NT5C3A: variants seen among roughly 807,000 people sequenced by gnomAD.
NT5C3A encodes the protein cytosolic 5'-nucleotidase 3A.
NT5C3A carries 23 observed loss-of-function variants against 40.0 expected under a neutral mutation model. That is an observed-to-expected ratio of 0.58 (90% CI 0.41 to 0.81). The LOEUF (loss-of-function observed/expected upper bound fraction) is 0.81, where lower values mean the gene tolerates loss of function less well. Among genes scored for constraint, NT5C3A ranks in the 40% least tolerant of loss-of-function variants. NT5C3A has a pLI of 0.00. For missense variants in NT5C3A, 328 were observed against 403.0 expected (o/e 0.81, Z 1.59); for synonymous variants, 130 against 141.4 (o/e 0.92, Z 0.57).
At chr7:33,040,052 C>T (rs1386185890) in intron 1 of NT5C3A, among the ~76,000 whole-genome samples, 1 of 152,110 alleles carries the variant, frequency 6.6e-6, no homozygotes, top group Non-Finnish European at 1.5e-5. Context: ...GTAATTTATA[C>T]TGACAACCCT....
intron 3 of NT5C3A, among the ~76,000 whole-genome samples, chr7:33,022,326 T>A (rs1191855853): frequency 3.9e-5 from 6 of 152,238 alleles, no homozygotes; most frequent in Non-Finnish European, 5.9e-5. Flanking sequence ...AATCTGAGAT[T>A]CAGTGACTGC....
Position 33,039,560 on chromosome 7 carries a change from TTG to T in NT5C3A, c.139-12647_139-12646del, listed in dbSNP as rs1205710456. The stretch of plus-strand genomic sequence containing the variant: ...TTTGACTTTCTTAAGCTTGGGTTTT[TTG>T]TTTTTTTTTTTTTTTAATGTTACTG... On this transcript the variant is annotated intron_variant, in intron 1 of 8. Coordinates refer to ENST00000610140, the MANE Select transcript of NT5C3A (RefSeq NM_001002010.5). Among the ~76,000 whole-genome samples, 71 of 139,996 alleles carry T rather than the reference TTG, an allele frequency of 5.1e-4. 3 individuals are homozygous for T. The highest frequency in any genetic ancestry group is 1.7e-3 in the African/African-American group (61 of 36,254). 91.8% of individuals were successfully genotyped at this position (139,996 alleles called of 152,430 possible). A position where few individuals can be genotyped will look rare whatever the true frequency, so the allele number is the denominator to read the frequency against.
intron 1 of NT5C3A, among the ~76,000 whole-genome samples, chr7:33,032,295 C>G (rs1786310073): frequency 6.6e-6 from 1 of 151,466 alleles, no homozygotes; most frequent in Admixed American, 6.6e-5. Context: ...TGGTGGCATA[C>G]ACCTGTAACC....
Position 33,062,747 on chromosome 7 carries a change from C to T in NT5C3A, c.-42G>A, listed in dbSNP as rs557187986. On this transcript the variant is annotated 5_prime_UTR_variant, in exon 1 of 9. Coordinates refer to ENST00000610140, the MANE Select transcript of NT5C3A (RefSeq NM_001002010.5). ...CGCGTCCAAGCAGGAAAAAAACAGG[C>T]AGCTCGCGTAGACTGCGAGTCTCGG... 56 of 1,549,430 alleles carry T rather than the reference C, an allele frequency of 3.6e-5. No homozygotes were observed. In the South Asian group the frequency reaches 5.1e-4, roughly 14 times the overall value.
At chr7:33,039,865 T>A (rs1179184500) in intron 1 of NT5C3A, among the ~76,000 whole-genome samples, 1 of 152,204 alleles carries the variant, frequency 6.6e-6, no homozygotes, top group African/African-American at 2.4e-5. Context: ...TGGGCAATTT[T>A]AACCAATTTT....
intron 2 of NT5C3A, among the ~76,000 whole-genome samples, chr7:33,026,373 A>G (rs1176478504): frequency 2.0e-5 from 3 of 149,958 alleles, no homozygotes; most frequent in Admixed American, 6.6e-5. Context: ...AAAAAAAAAA[A>G]GAAGCCTTTA....
intron 1 of NT5C3A, among the ~76,000 whole-genome samples, chr7:33,031,203 G>T (rs964656534): frequency 1.3e-5 from 2 of 151,938 alleles, no homozygotes; most frequent in Admixed American, 6.6e-5. Flanking sequence ...TCCAGACTAG[G>T]GATAATCCTA....
Position 33,062,744 on chromosome 7 carries a change from A to C in NT5C3A, c.-39T>G, listed in dbSNP as rs1424844520. On this transcript the variant is annotated 5_prime_UTR_variant, in exon 1 of 9. Transcript: ENST00000610140. Reference sequence around the variant, plus strand: ...ATGCGCGTCCAAGCAGGAAAAAAACAGGCAGCTCGCGTAGACTGCGAGTCT... The same window carrying C: ...ATGCGCGTCCAAGCAGGAAAAAAACCGGCAGCTCGCGTAGACTGCGAGTCT... The C allele has an allele frequency of 1.3e-6, 2 of 1,549,684 alleles. No individual in the cohort carries two copies. Among genetic ancestry groups the C allele is most frequent in the Non-Finnish European group, 1.7e-6 (2 of 1,146,870 alleles).
intron 1 of NT5C3A, among the ~76,000 whole-genome samples, chr7:33,044,344 A>T (rs1168250915): frequency 6.6e-6 from 1 of 152,082 alleles, no homozygotes; most frequent in Non-Finnish European, 1.5e-5. Context: ...AAAGCACTGA[A>T]TCAAAGACAC....
chr7:33,039,027 T>C, intron 1 of NT5C3A: 1 of 404,488 alleles, frequency 2.5e-6, no homozygotes, highest in Non-Finnish European at 4.9e-6. Flanking sequence ...GTGTGCTTTT[T>C]GTATGAGATT....
Position 33,060,113 on chromosome 7 carries a change from T to C in NT5C3A, c.138+2455A>G, listed in dbSNP as rs896416970. ...ACACTACAAGTGTGTGCCACTGCAC[T>C]GGCTAAAATCTTTATTTTCTGTAGA... is the stretch of plus-strand genomic sequence containing the variant. On this transcript the variant is annotated intron_variant, in intron 1 of 8. Transcript: ENST00000610140. Among the ~76,000 whole-genome samples, 14 of 152,124 alleles carry C rather than the reference T, an allele frequency of 9.2e-5. 1 individual carries two copies. Among genetic ancestry groups the C allele is most frequent in the African/African-American group, 3.4e-4 (14 of 41,420 alleles).
chr7:33,021,625 T>C (rs1380142306), intron 4 of NT5C3A, among the ~76,000 whole-genome samples: 1 of 152,158 alleles, frequency 6.6e-6, no homozygotes, highest in Non-Finnish European at 1.5e-5. Flanking sequence ...AGTTTTCATA[T>C]AAAGGTATTA....
At chr7:33,018,666 C>T (rs190948743) in intron 6 of NT5C3A, among the ~76,000 whole-genome samples, 7 of 151,978 alleles carry the variant, frequency 4.6e-5, no homozygotes, top group South Asian at 4.2e-4. Context: ...CTGGCTAACT[C>T]GGTGAAACCC....
intron 1 of NT5C3A, chr7:33,036,072 T>C (rs1786586410): frequency 9.7e-7 from 1 of 1,035,724 alleles, no homozygotes; most frequent in South Asian, 1.3e-5. Flanking sequence ...CTTCCTGTTA[T>C]GCCAATAATA....
At chr7:33,024,923 C>A (rs913428951) in intron 2 of NT5C3A, among the ~76,000 whole-genome samples, 12 of 151,888 alleles carry the variant, frequency 7.9e-5, no homozygotes, top group Admixed American at 2.6e-4. Context: ...GGAGATCACT[C>A]GAGGTCAGGA....
rs142036756 is a variant in NT5C3A, at chr7:33,048,893, T to C, written c.138+13675A>G. Among the ~76,000 whole-genome samples the C allele has an allele frequency of 4.5e-3, 690 of 152,218 alleles. 4 individuals carry two copies. Among genetic ancestry groups the C allele is most frequent in the Non-Finnish European group, 7.0e-3 (477 of 68,024 alleles). On this transcript the variant is annotated intron_variant, in intron 1 of 8. Transcript: ENST00000610140. ...CAAATCTGAGGGCTCAAATGGAATA[T>C]TGTTTAGAGATAATTTTTTAATGCA...
intron 6 of NT5C3A, 93 bp from the exon 7 acceptor site, chr7:33,017,694 C>T (rs1336807080): frequency 2.1e-6 from 2 of 942,208 alleles, no homozygotes; most frequent in East Asian, 4.8e-5. Context: ...CCTAGTAATT[C>T]TATGGCTCAC....
chr7:33,050,060 G>C (rs1787307399), intron 1 of NT5C3A, among the ~76,000 whole-genome samples: 1 of 150,682 alleles, frequency 6.6e-6, no homozygotes, highest in African/African-American at 2.4e-5. Flanking sequence ...TTATCCAAAA[G>C]CTTCAGAGTA....
intron 1 of NT5C3A, among the ~76,000 whole-genome samples, chr7:33,038,480 G>C (rs1786727027): frequency 6.7e-6 from 1 of 149,186 alleles, no homozygotes; most frequent in South Asian, 2.1e-4. Flanking sequence ...TAAGAAATTT[G>C]ATGGCCAACT....
Sources: allele counts gnomAD v4.1 joint callset (sites outside exome capture counted in the v4.1 genomes callset), GRCh38; gene constraint gnomAD v4.1.1; transcripts MANE v1.5; gene names NCBI Gene and HGNC (gene_info 2026-07-23, HGNC 2026-07-21).